DPP6: variants seen among roughly 807,000 people sequenced by gnomAD.
The protein encoded by DPP6 is A-type potassium channel modulatory protein DPP6.
Under a neutral mutation model 122.6 loss-of-function variants are expected in DPP6, and 69 were observed. The ratio of observed to expected loss-of-function variants is 0.56; its 90% CI spans 0.46 to 0.69. DPP6 has a LOEUF of 0.69. Among genes scored for constraint, DPP6 ranks in the 30% least tolerant of loss-of-function variants. The probability of loss-of-function intolerance (pLI) is 0.00; values close to 1 mark genes in which losing one functional copy is unlikely to be tolerated. For missense variants in DPP6, 928 were observed against 1,116.9 expected (o/e 0.83, Z 2.41); for synonymous variants, 418 against 433.1 (o/e 0.97, Z 0.43).
At chr7:154,523,539 C>T (rs79767628) in intron 3 of DPP6, among the ~76,000 whole-genome samples, 4,334 of 152,296 alleles carry the variant, frequency 0.028, 98 homozygotes, top group East Asian at 0.087. Flanking sequence ...TATTCAAATT[C>T]CCTTATTCAG....
Position 154,225,212 on chromosome 7 carries a change from A to C in DPP6, c.243+172149A>C, listed in dbSNP as rs375060966. 4.4e-4 allele frequency among the ~76,000 whole-genome samples: 67 copies of C among 152,286 alleles called. No individual in the cohort carries two copies. In the South Asian group the frequency reaches 8.3e-3, roughly 19 times the overall value. On this transcript the variant is annotated intron_variant, in intron 1 of 25. Coordinates refer to ENST00000377770, the MANE Select transcript of DPP6 (RefSeq NM_130797.4). ...TGATTTCAGAGTAAGCATATCATACACAAGAAATTACCTTTATACCTCGAA... is the reference window on the plus strand; with the variant it reads ...TGATTTCAGAGTAAGCATATCATACCCAAGAAATTACCTTTATACCTCGAA...
At chr7:153,884,736 T>C (rs1284932249), upstream of DPP6, among the ~76,000 whole-genome samples, 1 of 151,964 alleles carries the variant, frequency 6.6e-6, no homozygotes, top group African/African-American at 2.4e-5. Context: ...TCCAGCACTT[T>C]GGGGAGGCCG....
At chr7:154,621,539 T>C (rs928542979) in intron 5 of DPP6, among the ~76,000 whole-genome samples, 1 of 146,984 alleles carries the variant, frequency 6.8e-6, no homozygotes, top group African/African-American at 2.6e-5. Context: ...CAGCTAATTT[T>C]TGTATTTTTA....
intron 3 of DPP6, among the ~76,000 whole-genome samples, chr7:154,487,464 T>A (rs1823896426): frequency 6.6e-6 from 1 of 152,168 alleles, no homozygotes; most frequent in African/African-American, 2.4e-5. Flanking sequence ...AATCAAAGCC[T>A]GGGGCAGGCG....
chr7:154,738,714 A>T (rs959666780), intron 8 of DPP6, among the ~76,000 whole-genome samples: 1 of 152,240 alleles, frequency 6.6e-6, no homozygotes, highest in Admixed American at 6.5e-5. Context: ...AGGAAATATT[A>T]GAAATTTGGT....
chr7:154,589,849 A>G (rs1029924770), intron 5 of DPP6, among the ~76,000 whole-genome samples: 1 of 152,208 alleles, frequency 6.6e-6, no homozygotes, highest in Non-Finnish European at 1.5e-5. Context: ...CGGACTTCGT[A>G]ACAGCATGGT....
In DPP6 at chr7:154,575,221, TGTG is replaced by T. The variant is rs1199058393; in HGVS notation, c.627+8309_627+8311del. Among the ~76,000 whole-genome samples, 1,080 of 120,348 alleles carry T rather than the reference TGTG, an allele frequency of 9.0e-3. 10 individuals are homozygous for T. Among genetic ancestry groups the T allele is most frequent in the Non-Finnish European group, 0.014 (799 of 57,418 alleles). 79.0% of individuals were successfully genotyped at this position (120,348 alleles called of 152,430 possible). A position where few individuals can be genotyped will look rare whatever the true frequency, so the allele number is the denominator to read the frequency against. Reference sequence around the variant, plus strand: ...TGTGGTGTCTGTGGTGTGTGTGTGGTGTGGTGTGTGTGTGGTGTTTGTGTGGTG... The same window carrying T: ...TGTGGTGTCTGTGGTGTGTGTGTGGTGTGTGTGTGTGGTGTTTGTGTGGTG... On this transcript the variant is annotated intron_variant, in intron 5 of 25. Coordinates refer to ENST00000377770, the MANE Select transcript of DPP6 (RefSeq NM_130797.4).
chr7:154,033,441 G>A (rs561574013), intron 1 of DPP6, among the ~76,000 whole-genome samples: 29 of 152,352 alleles, frequency 1.9e-4, no homozygotes, highest in African/African-American at 7.0e-4. Context: ...CAGTCAAACT[G>A]AATCGTTTCC....
intron 1 of DPP6, among the ~76,000 whole-genome samples, chr7:153,957,291 C>G (rs534483019): frequency 2.7e-4 from 41 of 152,252 alleles, no homozygotes; most frequent in Middle Eastern, 6.8e-3. Flanking sequence ...CTCTTGCACT[C>G]CGAACCCTCC....
chr7:154,832,536 GAGAATATTA>G (rs1006956576), intron 16 of DPP6, among the ~76,000 whole-genome samples: 12 of 152,142 alleles, frequency 7.9e-5, no homozygotes, highest in Admixed American at 3.3e-4. Context: ...TTTTACAGAT[GAGAATATTA>G]AGACACTCGT....
intron 1 of DPP6, among the ~76,000 whole-genome samples, chr7:153,897,507 C>T (rs1317655564): frequency 6.6e-6 from 1 of 152,200 alleles, no homozygotes; most frequent in African/African-American, 2.4e-5. Flanking sequence ...ATTGAACTTT[C>T]ACCTACAGTT....
intron 5 of DPP6, among the ~76,000 whole-genome samples, chr7:154,609,542 C>T (rs1470492079): frequency 3.3e-5 from 5 of 152,180 alleles, no homozygotes; most frequent in Non-Finnish European, 5.9e-5. Context: ...ATACCTCTTC[C>T]AGTGTTTCTA....
chr7:154,279,086 G>A (rs893730359), intron 1 of DPP6, among the ~76,000 whole-genome samples: 13 of 151,712 alleles, frequency 8.6e-5, no homozygotes, highest in African/African-American at 3.1e-4. Flanking sequence ...ATGTGTGTGT[G>A]GGGATGCATG....
chr7:154,275,674 T>C (rs150082987), intron 1 of DPP6, among the ~76,000 whole-genome samples: 51 of 152,342 alleles, frequency 3.3e-4, no homozygotes, highest in African/African-American at 1.2e-3. Flanking sequence ...CCCCTGCAGA[T>C]GTGAGGACAG....
rs371983519 is a variant in DPP6, at chr7:154,418,586, C to T, written c.244-27628C>T. On this transcript the variant is annotated intron_variant, in intron 1 of 25. Transcript: ENST00000377770. The stretch of plus-strand genomic sequence containing the variant: ...GCTGATGTCAAATGTACCTGAAACA[C>T]AGCTCTATCTGTGAGTCCTAGAGGG... Among the ~76,000 whole-genome samples, 5 of 152,258 alleles carry T rather than the reference C, an allele frequency of 3.3e-5. No individual in the cohort carries two copies. The South Asian group carries it at 6.2e-4, about 19-fold the overall frequency.
intron 1 of DPP6, among the ~76,000 whole-genome samples, chr7:154,391,542 T>A (rs1814617843): frequency 6.6e-6 from 1 of 152,214 alleles, no homozygotes; most frequent in African/African-American, 2.4e-5. Flanking sequence ...TAATTCAGGT[T>A]ACAGGGAACA....
At chr7:154,350,138 C>A (rs1320616037) in intron 1 of DPP6, among the ~76,000 whole-genome samples, 2 of 152,112 alleles carry the variant, frequency 1.3e-5, no homozygotes, top group Admixed American at 1.3e-4. Flanking sequence ...GGTCACCTCC[C>A]CTGGAGAATG....
chr7:153,877,673 TATTA>T, the DPP6 span, among the ~76,000 whole-genome samples: 2 of 152,168 alleles, frequency 1.3e-5, no homozygotes, highest in African/African-American at 4.8e-5. Flanking sequence ...TGACCAATCT[TATTA>T]ATTAAATTGA....
At chr7:154,891,539 C>A (rs537925715) in intron 25 of DPP6, among the ~76,000 whole-genome samples, 3 of 152,192 alleles carry the variant, frequency 2.0e-5, no homozygotes, top group Non-Finnish European at 4.4e-5. Flanking sequence ...GTAGCCAGGA[C>A]GCAAAATCTG....
Sources: allele counts gnomAD v4.1 joint callset (sites outside exome capture counted in the v4.1 genomes callset), GRCh38; gene constraint gnomAD v4.1.1; transcripts MANE v1.5; gene names NCBI Gene and HGNC (gene_info 2026-07-23, HGNC 2026-07-21).